KCNIP4: variants seen among roughly 807,000 people sequenced by gnomAD.
KCNIP4 encodes potassium voltage-gated channel interacting protein 4.
A neutral mutation model predicts 34.0 loss-of-function variants in KCNIP4; 12 were observed. That is an observed-to-expected ratio of 0.35 (90% CI 0.23 to 0.57). The LOEUF is 0.57. Among genes scored for constraint, KCNIP4 ranks in the 20% least tolerant of loss-of-function variants. The pLI, the probability that KCNIP4 is intolerant of heterozygous loss-of-function variation, is 0.83. For synonymous variants in KCNIP4, 124 were observed against 102.2 expected (o/e 1.21, Z -1.29); for missense variants, 238 against 311.7 (o/e 0.76, Z 1.78).
chr4:20,834,544 G>A (rs1301358281), intron 3 of KCNIP4, among the ~76,000 whole-genome samples: 2 of 152,184 alleles, frequency 1.3e-5, no homozygotes, highest in Non-Finnish European at 2.9e-5. Flanking sequence ...TGTTTAAGAT[G>A]ACATTGGAAG....
At chr4:21,728,348 A>G (rs1451481066) in intron 1 of KCNIP4, among the ~76,000 whole-genome samples, 2 of 152,078 alleles carry the variant, frequency 1.3e-5, no homozygotes, top group Non-Finnish European at 2.9e-5. Context: ...CCCACTCCAC[A>G]TCGAGTCCAT....
chr4:21,788,997 C>T (rs993939876), intron 1 of KCNIP4, among the ~76,000 whole-genome samples: 4 of 143,766 alleles, frequency 2.8e-5, no homozygotes, highest in Admixed American at 1.5e-4. Context: ...TGCTTGAACC[C>T]GGGAGGCAGA....
chr4:20,777,969 C>A (rs1756521370), intron 3 of KCNIP4, among the ~76,000 whole-genome samples: 1 of 152,112 alleles, frequency 6.6e-6, no homozygotes, highest in Non-Finnish European at 1.5e-5. Context: ...ATTTAAAAAA[C>A]AGGAATGGGA....
chr4:21,218,207 G>A (rs1467102282), intron 1 of KCNIP4, among the ~76,000 whole-genome samples: 1 of 151,740 alleles, frequency 6.6e-6, no homozygotes, highest in Admixed American at 6.6e-5. Flanking sequence ...TAGAGACAGA[G>A]TTTCACCATG....
At chr4:21,311,110 CTG>C (rs1713109317) in intron 1 of KCNIP4, among the ~76,000 whole-genome samples, 1 of 152,178 alleles carries the variant, frequency 6.6e-6, no homozygotes, top group South Asian at 2.1e-4. Flanking sequence ...GAGACTGTCA[CTG>C]TGTAAATGCT....
At chr4:21,242,163 C>CAAAAAAA (rs11436478) in intron 1 of KCNIP4, among the ~76,000 whole-genome samples, 1,078 of 55,700 alleles carry the variant, frequency 0.019, 26 homozygotes, top group Non-Finnish European at 0.029. Flanking sequence ...AATTCTGTCT[C>CAAAAAAA]AAAAAAAAAA....
chr4:21,825,891 T>G (rs1722651927), intron 1 of KCNIP4, among the ~76,000 whole-genome samples: 1 of 152,062 alleles, frequency 6.6e-6, no homozygotes, highest in South Asian at 2.1e-4. Context: ...GCAGATAATT[T>G]AGAATGGAGA....
chr4:21,417,064 T>A (rs1001738298), intron 1 of KCNIP4, among the ~76,000 whole-genome samples: 1 of 152,188 alleles, frequency 6.6e-6, no homozygotes, highest in Non-Finnish European at 1.5e-5. Context: ...CAGCCTCCAC[T>A]CTTGGAAAAT....
chr4:21,490,346 A>G (rs953726053), intron 1 of KCNIP4, among the ~76,000 whole-genome samples: 3 of 152,132 alleles, frequency 2.0e-5, no homozygotes, highest in Admixed American at 6.6e-5. Flanking sequence ...CTAGTGTGAC[A>G]TATTTACTTA....
rs61677771 is a variant in KCNIP4, at chr4:20,770,632, T to C, written c.289-11742A>G. Among the ~76,000 whole-genome samples, 472 of 151,942 alleles carry C rather than the reference T, an allele frequency of 3.1e-3. 8 individuals are homozygous for C. The East Asian group carries it at 0.048, about 16-fold the overall frequency. The stretch of plus-strand genomic sequence containing the variant: ...TTGAGAATACTTGAAAAAATAAAAA[T>C]TAAAAATAAATAAAAAATAAGGCAG... On this transcript the variant is annotated intron_variant, in intron 3 of 8. Coordinates refer to ENST00000382152, the MANE Select transcript of KCNIP4 (RefSeq NM_025221.6).
At chr4:21,701,096 T>G (rs183265653) in intron 1 of KCNIP4, among the ~76,000 whole-genome samples, 29 of 152,286 alleles carry the variant, frequency 1.9e-4, no homozygotes, top group African/African-American at 6.7e-4. Flanking sequence ...AATTCTATCA[T>G]TTGTGATAAT....
intron 3 of KCNIP4, among the ~76,000 whole-genome samples, chr4:20,782,160 A>C (rs1319268912): frequency 6.6e-6 from 1 of 152,144 alleles, no homozygotes; most frequent in Non-Finnish European, 1.5e-5. Flanking sequence ...GGTCTTGGGA[A>C]GCTCTGCCCC....
At chr4:21,153,206 A>T (rs77088507) in intron 1 of KCNIP4, among the ~76,000 whole-genome samples, 3,843 of 152,248 alleles carry the variant, frequency 0.025, 184 homozygotes, top group African/African-American at 0.086. Flanking sequence ...ATTTCATACA[A>T]TACTGCCAAA....
chr4:20,802,122 G>A (rs1398816778), intron 3 of KCNIP4, among the ~76,000 whole-genome samples: 3 of 143,240 alleles, frequency 2.1e-5, no homozygotes, highest in African/African-American at 7.7e-5. Flanking sequence ...CTATATATAT[G>A]CTATATATAT....
chr4:21,668,342 G>GT (rs971008667), intron 1 of KCNIP4, among the ~76,000 whole-genome samples: 11 of 151,302 alleles, frequency 7.3e-5, no homozygotes, highest in African/African-American at 1.7e-4. Flanking sequence ...ATATATCCCG[G>GT]TTTTTTTTAG....
intron 1 of KCNIP4, among the ~76,000 whole-genome samples, chr4:21,712,946 C>T (rs1713859750): frequency 6.6e-6 from 1 of 152,094 alleles, no homozygotes; most frequent in Admixed American, 6.6e-5. Flanking sequence ...CCTGTGTCTG[C>T]TTCTCTTTCT....
intron 1 of KCNIP4, among the ~76,000 whole-genome samples, chr4:21,057,632 G>C (rs574924352): frequency 6.6e-6 from 1 of 152,244 alleles, no homozygotes; most frequent in Non-Finnish European, 1.5e-5. Context: ...TTATAAGGTT[G>C]AAATTGACTT....
At chr4:21,524,933 G>C (rs767062373) in intron 1 of KCNIP4, among the ~76,000 whole-genome samples, 3 of 152,102 alleles carry the variant, frequency 2.0e-5, no homozygotes, top group Non-Finnish European at 2.9e-5. Context: ...GTGCAAAGAA[G>C]TCACTTTGCT....
At chr4:21,128,739 G>A (rs1308825465) in intron 1 of KCNIP4, among the ~76,000 whole-genome samples, 2 of 152,094 alleles carry the variant, frequency 1.3e-5, no homozygotes, top group African/African-American at 2.4e-5. Flanking sequence ...TTTGGCTTAC[G>A]TTATTATCAG....
Sources: allele counts gnomAD v4.1 joint callset (sites outside exome capture counted in the v4.1 genomes callset), GRCh38; gene constraint gnomAD v4.1.1; transcripts MANE v1.5; gene names NCBI Gene and HGNC (gene_info 2026-07-23, HGNC 2026-07-21).